The following SUMF1 variants were observed in gnomAD, a reference collection of about 807,000 sequenced individuals.
The protein encoded by SUMF1 is formylglycine-generating enzyme.
A neutral mutation model predicts 47.6 loss-of-function variants in SUMF1; 48 were observed. The observed-to-expected ratio is 1.01, with a 90% CI of 0.80 to 1.28. SUMF1 has a LOEUF of 1.28. Among genes scored for constraint, SUMF1 ranks in the 50% most tolerant of loss-of-function variants. The probability of loss-of-function intolerance (pLI) is 0.00; values close to 1 mark genes in which losing one functional copy is unlikely to be tolerated. For synonymous variants in SUMF1, 230 were observed against 192.1 expected, an observed-to-expected ratio of 1.20 and a Z score of -1.63; for missense variants, 571 against 485.4, an observed-to-expected ratio of 1.18 and a Z score of -1.66.
intron 8 of SUMF1, among the ~76,000 whole-genome samples, chr3:4,075,947 C>T (rs951146866): frequency 1.1e-4 from 16 of 152,276 alleles, no homozygotes; most frequent in African/African-American, 3.9e-4. Flanking sequence ...CTATCCCCAT[C>T]ATGCTAGCAC....
intron 8 of SUMF1, among the ~76,000 whole-genome samples, chr3:4,266,224 G>A (rs1225302234): frequency 1.3e-5 from 2 of 152,122 alleles, no homozygotes; most frequent in African/African-American, 4.8e-5. Flanking sequence ...CTCTTTTTTG[G>A]TTCCGTATGA....
Position 4,175,230 on chromosome 3 carries a change from C to G in SUMF1, c.1015-106485G>C, listed in dbSNP as rs542865553. On this transcript the variant is annotated intron_variant and NMD_transcript_variant, in intron 8 of 12. Transcript: ENST00000448413. ...TCTGAGAATGGACAGACTGCCTCCT[C>G]AAGTGGGCCCCTGACCCCCGTGTAG... 3.9e-5 allele frequency among the ~76,000 whole-genome samples: 6 copies of G among 152,288 alleles called. No individual in the cohort carries two copies. The South Asian group carries it at 1.2e-3, about 32-fold the overall frequency.
downstream of SUMF1, among the ~76,000 whole-genome samples, chr3:4,360,205 C>CTTTTTTTTTTTTTTTTTT (rs57690047): frequency 1.9e-5 from 2 of 104,140 alleles, 1 homozygote. Context: ...AATGTTTGTT[C>CTTTTTTTTTTTTTTTTTT]TTTTTTTTTT....
At chr3:4,176,819 G>C (rs1574952851) in intron 8 of SUMF1, among the ~76,000 whole-genome samples, 1 of 152,048 alleles carries the variant, frequency 6.6e-6, no homozygotes. Context: ...ACACACATAG[G>C]TTCAAAATGA....
At chr3:4,407,121 C>G (rs569480252) in intron 7 of SUMF1, among the ~76,000 whole-genome samples, 1 of 151,682 alleles carries the variant, frequency 6.6e-6, no homozygotes, top group African/African-American at 2.4e-5. Flanking sequence ...CACGTTAACA[C>G]CAAGCTGACC....
chr3:4,276,936 C>T (rs1199932065), intron 8 of SUMF1, among the ~76,000 whole-genome samples: 1 of 152,102 alleles, frequency 6.6e-6, no homozygotes, highest in Non-Finnish European at 1.5e-5. Context: ...AATAAGTTCA[C>T]ACTTTCAGCC....
intron 8 of SUMF1, among the ~76,000 whole-genome samples, chr3:4,180,855 C>CA (rs1201584274): frequency 4.0e-5 from 6 of 151,628 alleles, no homozygotes; most frequent in African/African-American, 7.3e-5. Context: ...CCTGTCTCAA[C>CA]AAAAAAATAA....
chr3:4,178,462 C>A lies in SUMF1; in HGVS notation c.1015-109717G>T, dbSNP rs189835833. On this transcript the variant is annotated intron_variant and NMD_transcript_variant, in intron 8 of 12. Transcript: ENST00000448413. ...AACCACATGATTATCTCAATAGATGCAGAAAAGGCCTTTGACAAAATTCAA... is the reference window on the plus strand; with the variant it reads ...AACCACATGATTATCTCAATAGATGAAGAAAAGGCCTTTGACAAAATTCAA... Among the ~76,000 whole-genome samples the A allele has an allele frequency of 1.5e-3, 234 of 152,248 alleles. 2 individuals are homozygous for A. The highest frequency in any genetic ancestry group is 5.4e-3 in the African/African-American group (225 of 41,550).
At chr3:4,382,685 G>T (rs1700544541) in intron 7 of SUMF1, among the ~76,000 whole-genome samples, 1 of 152,150 alleles carries the variant, frequency 6.6e-6, no homozygotes, top group African/African-American at 2.4e-5. Flanking sequence ...GCCCACCAAT[G>T]ATGGACTGGA....
chr3:4,212,768 C>G (rs931023206), intron 8 of SUMF1, among the ~76,000 whole-genome samples: 1 of 152,070 alleles, frequency 6.6e-6, no homozygotes, highest in South Asian at 2.1e-4. Context: ...GAAGCATACA[C>G]AAGTATCAAT....
intron 6 of SUMF1, among the ~76,000 whole-genome samples, chr3:4,416,166 C>T (rs1701704951): frequency 6.6e-6 from 1 of 152,064 alleles, no homozygotes; most frequent in African/African-American, 2.4e-5. Flanking sequence ...TTCTGGAAAA[C>T]AGTTTGGCCA....
intron 8 of SUMF1, among the ~76,000 whole-genome samples, chr3:4,113,516 AC>A: frequency 6.6e-6 from 1 of 151,382 alleles, no homozygotes; most frequent in East Asian, 2.0e-4. Context: ...TCACAGTGAG[AC>A]CCTGTCACCG....
At chr3:4,440,079 C>CA (rs1320550173) in intron 3 of SUMF1, among the ~76,000 whole-genome samples, 7 of 151,750 alleles carry the variant, frequency 4.6e-5, no homozygotes, top group East Asian at 3.9e-4. Context: ...ACTAAAAATA[C>CA]AAAAAAATTA....
intron 8 of SUMF1, among the ~76,000 whole-genome samples, chr3:4,111,585 G>A (rs888282312): frequency 2.3e-4 from 35 of 151,940 alleles, no homozygotes; most frequent in African/African-American, 8.2e-4. Context: ...GAGGGTAGTG[G>A]TGCGCACCTG....
In SUMF1 at chr3:4,279,646, CAATAAATGCAAAAAAAA is replaced by C. The variant is rs571660233; in HGVS notation, c.1014+96667_1014+96683del. On this transcript the variant is annotated intron_variant and NMD_transcript_variant, in intron 8 of 12. Coordinates refer to the SUMF1 transcript ENST00000448413. ...AGGTTCATCACAGCAGAGCTGGAAG[CAATAAATGCAAAAAAAA>C]AATAAAGCCATGTTGTGTTTATACT... 1.1e-4 allele frequency among the ~76,000 whole-genome samples: 17 copies of C among 150,454 alleles called. No homozygotes were observed. The South Asian group carries it at 3.6e-3, about 32-fold the overall frequency.
At chr3:4,058,545 T>C (rs1695228085) in intron 9 of SUMF1, among the ~76,000 whole-genome samples, 1 of 152,060 alleles carries the variant, frequency 6.6e-6, no homozygotes, top group Non-Finnish European at 1.5e-5. Context: ...GGAACTCTGT[T>C]GAAAGATGGC....
At chr3:4,384,481 C>A (rs895831536) in intron 7 of SUMF1, among the ~76,000 whole-genome samples, 2 of 152,196 alleles carry the variant, frequency 1.3e-5, no homozygotes, top group Admixed American at 6.5e-5. Context: ...TCCTTCCCAA[C>A]CCCAACCCCT....
chr3:4,315,066 A>G (rs1439666637), intron 8 of SUMF1, among the ~76,000 whole-genome samples: 1 of 152,194 alleles, frequency 6.6e-6, no homozygotes, highest in African/African-American at 2.4e-5. Context: ...ATAACATTAC[A>G]TGGAATGGTT....
chr3:4,093,931 A>G (rs1692843449), intron 8 of SUMF1, among the ~76,000 whole-genome samples: 1 of 152,122 alleles, frequency 6.6e-6, no homozygotes, highest in African/African-American at 2.4e-5. Context: ...TATATTAGGT[A>G]GATTAGGCAG....
Sources: allele counts gnomAD v4.1 joint callset (sites outside exome capture counted in the v4.1 genomes callset), GRCh38; gene constraint gnomAD v4.1.1; transcripts MANE v1.5; gene names NCBI Gene and HGNC (gene_info 2026-07-23, HGNC 2026-07-21).